The following UST variants were observed in gnomAD, a reference collection of about 807,000 sequenced individuals.
UST encodes the protein uronyl 2-sulfotransferase, also known as chondroitin sulfate 2-O-sulfotransferase.
UST carries 21 observed loss-of-function variants against 45.6 expected under a neutral mutation model. That is an observed-to-expected ratio of 0.46 (90% confidence interval 0.33 to 0.66). The LOEUF is 0.66. UST is among the 30% of genes least tolerant of loss of function. The probability of loss-of-function intolerance (pLI) is 0.02; values close to 1 mark genes in which losing one functional copy is unlikely to be tolerated. For synonymous variants in UST, 215 were observed against 200.6 expected, an observed-to-expected ratio of 1.07 and a Z score of -0.61; for missense variants, 463 against 512.4, an observed-to-expected ratio of 0.90 and a Z score of 0.93.
At chr6:148,807,151 G>T (rs1020810228) in intron 1 of UST, among the ~76,000 whole-genome samples, 1 of 152,192 alleles carries the variant, frequency 6.6e-6, no homozygotes, top group Admixed American at 6.5e-5. Flanking sequence ...CTTTGTCAAA[G>T]CCTAGAAAAT....
intron 1 of UST, among the ~76,000 whole-genome samples, chr6:148,844,221 A>G (rs189434164): frequency 9.8e-5 from 15 of 152,330 alleles, no homozygotes; most frequent in African/African-American, 3.4e-4. Context: ...TAGACATTAA[A>G]CTAAATACTC....
In UST at chr6:148,971,107, C is replaced by T. The variant is rs77457759; in HGVS notation, c.681+6544C>T. Reference sequence around the variant, plus strand: ...GTGGAGGGGACATGGGTGTGACAGGCATTCTGACACTTGGCTATGCCACTT... The same window carrying T: ...GTGGAGGGGACATGGGTGTGACAGGTATTCTGACACTTGGCTATGCCACTT... On this transcript the variant is annotated intron_variant, in intron 5 of 7. Coordinates refer to ENST00000367463, the MANE Select transcript of UST (RefSeq NM_005715.3). 3.5e-3 allele frequency among the ~76,000 whole-genome samples: 537 copies of T among 152,284 alleles called. 4 individuals are homozygous for T. The highest frequency in any genetic ancestry group is 0.012 in the African/African-American group (492 of 41,542).
intron 2 of UST, among the ~76,000 whole-genome samples, chr6:148,922,333 T>C (rs1779725097): frequency 6.8e-6 from 1 of 147,818 alleles, no homozygotes; most frequent in Non-Finnish European, 1.5e-5. Flanking sequence ...GAGCATTTCA[T>C]ATAAGTGGAA....
chr6:149,069,581 CAG>C (rs553715427), intron 7 of UST, among the ~76,000 whole-genome samples: 22 of 152,218 alleles, frequency 1.4e-4, no homozygotes, highest in Admixed American at 6.5e-4. Flanking sequence ...TCACTTTTGA[CAG>C]AGTTATTTAC....
At chr6:148,984,772 G>C (rs577248419) in intron 5 of UST, among the ~76,000 whole-genome samples, 34 of 152,298 alleles carry the variant, frequency 2.2e-4, no homozygotes, top group African/African-American at 7.5e-4. Flanking sequence ...GCCTCCCAGA[G>C]TGCTGGGATT....
At chr6:148,843,097 A>C (rs1777919033) in intron 1 of UST, among the ~76,000 whole-genome samples, 2 of 152,242 alleles carry the variant, frequency 1.3e-5, no homozygotes, top group Non-Finnish European at 2.9e-5. Flanking sequence ...CAAGTGTCTT[A>C]TTTGGGTAAA....
chr6:148,884,031 G>C (rs1778870072), intron 1 of UST, among the ~76,000 whole-genome samples: 1 of 151,864 alleles, frequency 6.6e-6, no homozygotes, highest in Non-Finnish European at 1.5e-5. Flanking sequence ...TGCTCGGGAG[G>C]CTGAGGCAGG....
At chr6:148,854,328 G>A (rs1032390030) in intron 1 of UST, among the ~76,000 whole-genome samples, 1 of 152,222 alleles carries the variant, frequency 6.6e-6, no homozygotes, top group African/African-American at 2.4e-5. Context: ...GTGTGGCTGT[G>A]TTGGAACTTG....
chr6:148,919,418 G>T (rs1341898308), intron 2 of UST, among the ~76,000 whole-genome samples: 1 of 36,274 alleles, frequency 2.8e-5, no homozygotes, highest in East Asian at 2.2e-3. Flanking sequence ...TGTCAGAGCC[G>T]TGTGTGTGTG....
intron 2 of UST, among the ~76,000 whole-genome samples, chr6:148,892,429 T>C (rs1353616865): frequency 6.6e-6 from 1 of 152,232 alleles, no homozygotes; most frequent in Non-Finnish European, 1.5e-5. Context: ...AAAAAGATGA[T>C]GTAATACTTT....
intron 5 of UST, among the ~76,000 whole-genome samples, chr6:148,986,234 T>A (rs1384707564): frequency 6.6e-6 from 1 of 152,216 alleles, no homozygotes; most frequent in Non-Finnish European, 1.5e-5. Context: ...TACTTACTCT[T>A]CCAGCAATGG....
At chr6:148,853,841 A>G (rs1393145560) in intron 1 of UST, among the ~76,000 whole-genome samples, 1 of 152,116 alleles carries the variant, frequency 6.6e-6, no homozygotes, top group Non-Finnish European at 1.5e-5. Flanking sequence ...TTGTTCTTCA[A>G]CAGGGGACTC....
intron 5 of UST, among the ~76,000 whole-genome samples, chr6:148,995,921 G>A (rs1236294513): frequency 1.3e-5 from 2 of 152,174 alleles, no homozygotes; most frequent in African/African-American, 2.4e-5. Context: ...ACATGACCTG[G>A]CAGGCACCTG....
At chr6:149,030,477 C>CA (rs60277138) in intron 7 of UST, among the ~76,000 whole-genome samples, 131,215 of 147,818 alleles carry the variant, frequency 0.89, 58,636 homozygotes, top group Non-Finnish European at 0.95. Flanking sequence ...CTGTTTCTAC[C>CA]AAAAAAAAAA....
chr6:148,967,477 A>G (rs1780825868), intron 5 of UST, among the ~76,000 whole-genome samples: 1 of 152,168 alleles, frequency 6.6e-6, no homozygotes, highest in Admixed American at 6.5e-5. Flanking sequence ...CCTTTTTTTA[A>G]TAGCTGAAAC....
In UST at chr6:149,015,418, G is replaced by A. The variant is rs368265704; in HGVS notation, c.682-3721G>A. Among the ~76,000 whole-genome samples the A allele has an allele frequency of 5.3e-5, 8 of 152,248 alleles. 1 individual carries two copies. Among genetic ancestry groups the A allele is most frequent in the Admixed American group, 2.0e-4 (3 of 15,294 alleles). ...CTAATAATGCAAAATCTTGAGCAGCGTGGGGTCTTATGTTAAGACCCAATG... is the reference window on the plus strand; with the variant it reads ...CTAATAATGCAAAATCTTGAGCAGCATGGGGTCTTATGTTAAGACCCAATG... On this transcript the variant is annotated intron_variant, in intron 5 of 7. Transcript: ENST00000367463.
intron 7 of UST, among the ~76,000 whole-genome samples, chr6:149,050,099 A>G (rs1432535162): frequency 6.6e-6 from 1 of 152,198 alleles, no homozygotes; most frequent in Non-Finnish European, 1.5e-5. Flanking sequence ...CTACGGTACA[A>G]ACACCATTAA....
chr6:148,877,348 A>G (rs1468252608), intron 1 of UST, among the ~76,000 whole-genome samples: 2 of 65,624 alleles, frequency 3.0e-5, no homozygotes, highest in Non-Finnish European at 5.4e-5. Context: ...GGGGTCATGT[A>G]TGAGTGCAGA....
intron 1 of UST, among the ~76,000 whole-genome samples, chr6:148,761,369 G>A (rs143330450): frequency 6.6e-6 from 1 of 152,318 alleles, no homozygotes; most frequent in African/African-American, 2.4e-5. Context: ...AACTGCTGTG[G>A]TGCTTAGAAT....
Sources: allele counts gnomAD v4.1 joint callset (sites outside exome capture counted in the v4.1 genomes callset), GRCh38; gene constraint gnomAD v4.1.1; transcripts MANE v1.5; gene names NCBI Gene and HGNC (gene_info 2026-07-23, HGNC 2026-07-21).